FBXL17: variants seen among roughly 807,000 people sequenced by gnomAD.
FBXL17 encodes the protein F-box and leucine rich repeat protein 17, also known as F-box/LRR-repeat protein 17.
In FBXL17, 22 loss-of-function variants were observed where a neutral mutation model predicts 66.2. The ratio of observed to expected loss-of-function variants is 0.33; its 90% confidence interval spans 0.24 to 0.47. The LOEUF (loss-of-function observed/expected upper bound fraction) is 0.47, where lower values mean the gene tolerates loss of function less well. Ranked by LOEUF, FBXL17 falls within the 20% of genes least tolerant of loss-of-function variation. The probability of loss-of-function intolerance (pLI) is 1.00; values close to 1 mark genes in which losing one functional copy is unlikely to be tolerated. For synonymous variants in FBXL17, 474 were observed against 400.5 expected (o/e 1.18, Z -2.19); for missense variants, 878 against 948.2 (o/e 0.93, Z 0.97).
At chr5:108,049,437 A>T (rs1747387740) in intron 6 of FBXL17, among the ~76,000 whole-genome samples, 1 of 152,088 alleles carries the variant, frequency 6.6e-6, no homozygotes, top group South Asian at 2.1e-4. Flanking sequence ...CCTATTCAAC[A>T]TTCTTAGAGA....
At chr5:108,240,159 C>T (rs187151493) in intron 4 of FBXL17, among the ~76,000 whole-genome samples, 1 of 152,238 alleles carries the variant, frequency 6.6e-6, no homozygotes, top group East Asian at 1.9e-4. Context: ...GGGAAAAAAA[C>T]TCCTTCTACT....
At chr5:107,923,178 T>C (rs943099824) in intron 7 of FBXL17, among the ~76,000 whole-genome samples, 2 of 152,188 alleles carry the variant, frequency 1.3e-5, no homozygotes, top group African/African-American at 4.8e-5. Context: ...AATTGAAATA[T>C]TGAAATAGTA....
chr5:108,081,073 C>T (rs1428609978), intron 6 of FBXL17, among the ~76,000 whole-genome samples: 1 of 152,074 alleles, frequency 6.6e-6, no homozygotes, highest in African/African-American at 2.4e-5. Context: ...TGACCAAGCC[C>T]TGCTATCTGT....
At chr5:108,380,065 G>GCC (rs1297632396) in intron 1 of FBXL17, among the ~76,000 whole-genome samples, 1 of 152,146 alleles carries the variant, frequency 6.6e-6, no homozygotes, top group Non-Finnish European at 1.5e-5. Flanking sequence ...ACCACTTCAA[G>GCC]CCCCACTAGA....
chr5:108,123,161 T>A (rs1354148765), intron 6 of FBXL17, among the ~76,000 whole-genome samples: 1 of 151,678 alleles, frequency 6.6e-6, no homozygotes, highest in East Asian at 1.9e-4. Flanking sequence ...TTTTTGTCTT[T>A]TGCTTTTTTT....
chr5:108,029,780 T>C (rs573813979), intron 6 of FBXL17, among the ~76,000 whole-genome samples: 1 of 152,134 alleles, frequency 6.6e-6, no homozygotes, highest in Non-Finnish European at 1.5e-5. Context: ...TTGGTTATTT[T>C]TTTTTTAACC....
chr5:108,035,727 C>T (rs1746816992), intron 6 of FBXL17, among the ~76,000 whole-genome samples: 1 of 152,070 alleles, frequency 6.6e-6, no homozygotes, highest in Non-Finnish European at 1.5e-5. Context: ...GCAGTACCAC[C>T]ATATTTATTA....
In FBXL17 at chr5:107,910,037, C is replaced by G. The variant is rs182944418; in HGVS notation, c.1823-28858G>C. 2.6e-3 allele frequency among the ~76,000 whole-genome samples: 394 copies of G among 151,218 alleles called. 3 individuals are homozygous for G. Among genetic ancestry groups the G allele is most frequent in the African/African-American group, 8.5e-3 (352 of 41,176 alleles). On this transcript the variant is annotated intron_variant, in intron 7 of 8. Coordinates refer to ENST00000542267, the MANE Select transcript of FBXL17 (RefSeq NM_001163315.3). ...TTCTTGGGGAGCTACATACACTGAA[C>G]TAAAGTGACTTCACCACAAGCCACT...
chr5:108,342,021 T>A (rs1746912824), intron 4 of FBXL17, among the ~76,000 whole-genome samples: 1 of 152,158 alleles, frequency 6.6e-6, no homozygotes, highest in African/African-American at 2.4e-5. Context: ...GAGACCAGGA[T>A]CTTCTCTCTT....
At chr5:108,297,151 T>G (rs1758381359) in intron 4 of FBXL17, among the ~76,000 whole-genome samples, 1 of 151,570 alleles carries the variant, frequency 6.6e-6, no homozygotes, top group South Asian at 2.1e-4. Context: ...GGTTTATTCT[T>G]AACACAGGAT....
intron 6 of FBXL17, among the ~76,000 whole-genome samples, chr5:108,140,628 G>T (rs1378288652): frequency 6.6e-6 from 1 of 152,062 alleles, no homozygotes; most frequent in Non-Finnish European, 1.5e-5. Flanking sequence ...GCAATCCTGA[G>T]AATATATCCA....
chr5:108,101,246 A>T (rs895794406), intron 6 of FBXL17, among the ~76,000 whole-genome samples: 1 of 152,234 alleles, frequency 6.6e-6, no homozygotes, highest in African/African-American at 2.4e-5. Flanking sequence ...AGAGAAATTC[A>T]ATGTGTGTAC....
At chr5:108,340,085 G>A (rs1220747994) in intron 4 of FBXL17, among the ~76,000 whole-genome samples, 2 of 149,276 alleles carry the variant, frequency 1.3e-5, no homozygotes, top group African/African-American at 4.9e-5. Context: ...GCCTTCAAAT[G>A]ATAGAATATA....
intron 4 of FBXL17, among the ~76,000 whole-genome samples, chr5:108,320,726 C>T (rs1340296409): frequency 6.6e-6 from 1 of 151,574 alleles, no homozygotes; most frequent in Non-Finnish European, 1.5e-5. Context: ...GAACAAAAAC[C>T]CTCATTTTTA....
At chr5:108,156,097 G>C (rs994371120) in intron 6 of FBXL17, among the ~76,000 whole-genome samples, 2 of 152,012 alleles carry the variant, frequency 1.3e-5, no homozygotes, top group African/African-American at 4.8e-5. Context: ...TAAAACTTGG[G>C]AAGAATATTT....
intron 7 of FBXL17, among the ~76,000 whole-genome samples, chr5:107,947,161 A>G (rs1231849273): frequency 6.6e-6 from 1 of 152,206 alleles, no homozygotes; most frequent in Non-Finnish European, 1.5e-5. Flanking sequence ...TGGCTGACAG[A>G]TCCTGACAGG....
chr5:107,887,713 G>A (rs553891898), intron 7 of FBXL17, among the ~76,000 whole-genome samples: 18 of 152,300 alleles, frequency 1.2e-4, no homozygotes, highest in African/African-American at 4.3e-4. Flanking sequence ...ACCCCGCAGG[G>A]ACTACAGGGA....
intron 8 of FBXL17, chr5:107,880,400 G>T (rs1297462769): frequency 1.0e-6 from 1 of 986,556 alleles, no homozygotes; most frequent in East Asian, 1.1e-4. Context: ...AGTCTTCAAA[G>T]GGTCCCACGT....
At chr5:108,190,215 T>A (rs1753416041) in intron 5 of FBXL17, among the ~76,000 whole-genome samples, 1 of 152,200 alleles carries the variant, frequency 6.6e-6, no homozygotes, top group Non-Finnish European at 1.5e-5. Flanking sequence ...ATGCTGAAGC[T>A]CTCTGTCCCT....
Sources: gnomAD v4.1 joint callset for allele counts (sites outside exome capture counted in the v4.1 genomes callset) on GRCh38, gnomAD v4.1.1 for gene constraint, MANE v1.5 for transcripts, NCBI Gene and HGNC (gene_info 2026-07-23, HGNC 2026-07-21) for gene names.